The following ARHGAP15 variants were observed in gnomAD, a reference collection of about 807,000 sequenced individuals.
ARHGAP15 encodes Rho GTPase activating protein 15.
A neutral mutation model predicts 63.7 loss-of-function variants in ARHGAP15; 51 were observed. That is an observed-to-expected ratio of 0.80 (90% CI 0.64 to 1.01). The LOEUF (loss-of-function observed/expected upper bound fraction) is 1.01, where lower values mean the gene tolerates loss of function less well. ARHGAP15 is among the 50% of genes least tolerant of loss of function. The pLI is 0.00. For missense variants in ARHGAP15, 560 were observed against 564.6 expected (o/e 0.99, Z 0.08); for synonymous variants, 191 against 193.8 (o/e 0.99, Z 0.12).
intron 5 of ARHGAP15, among the ~76,000 whole-genome samples, chr2:143,244,516 A>AATGC (rs1693974215): frequency 6.6e-6 from 1 of 152,218 alleles, no homozygotes; most frequent in Admixed American, 6.5e-5. Context: ...GAAAAGAATG[A>AATGC]ATGCATACTC....
At chr2:143,143,758 TA>T (rs1258275351) in intron 1 of ARHGAP15, among the ~76,000 whole-genome samples, 2 of 151,984 alleles carry the variant, frequency 1.3e-5, no homozygotes, top group Non-Finnish European at 2.9e-5. Flanking sequence ...GGCATTCCCA[TA>T]CACTTTTTTT....
intron 6 of ARHGAP15, among the ~76,000 whole-genome samples, chr2:143,313,601 A>G (rs1683547906): frequency 6.6e-6 from 1 of 152,160 alleles, no homozygotes; most frequent in Non-Finnish European, 1.5e-5. Context: ...TGGTGGAACA[A>G]GAAGCAAAAA....
In ARHGAP15 at chr2:143,410,131, AAAT is replaced by A. The variant is rs1688383736; in HGVS notation, c.475-25467_475-25465del. Among the ~76,000 whole-genome samples the A allele has an allele frequency of 2.0e-5, 3 of 152,152 alleles. No homozygotes were observed. The South Asian group carries it at 6.2e-4, about 31-fold the overall frequency. ...TGAAGGGTACTATATAAATAAATAA[AAAT>A]AAAATCAAATTTTAATTAAATTTTA... On this transcript the variant is annotated intron_variant, in intron 6 of 13. Transcript: ENST00000295095.
intron 12 of ARHGAP15, among the ~76,000 whole-genome samples, chr2:143,655,277 C>A (rs1681378537): frequency 6.6e-6 from 1 of 151,998 alleles, no homozygotes; most frequent in Non-Finnish European, 1.5e-5. Flanking sequence ...CCACTCTTCC[C>A]CCCAAGTCCC....
At chr2:143,467,567 A>G (rs1254143388) in intron 8 of ARHGAP15, among the ~76,000 whole-genome samples, 2 of 151,860 alleles carry the variant, frequency 1.3e-5, no homozygotes. Context: ...ATACTAAAAT[A>G]AACCCAGGTA....
chr2:143,180,590 G>A (rs747006807), intron 2 of ARHGAP15, among the ~76,000 whole-genome samples: 5 of 152,210 alleles, frequency 3.3e-5, no homozygotes, highest in African/African-American at 9.6e-5. Flanking sequence ...ATCCTTTTTA[G>A]AAGGTTTTCA....
chr2:143,386,335 T>C (rs1475460394), intron 6 of ARHGAP15, among the ~76,000 whole-genome samples: 2 of 152,286 alleles, frequency 1.3e-5, no homozygotes, highest in East Asian at 1.9e-4. Context: ...AAATGAGCCA[T>C]ATATCAAAAA....
intron 8 of ARHGAP15, among the ~76,000 whole-genome samples, chr2:143,453,078 A>C (rs1455346043): frequency 8.0e-6 from 1 of 124,756 alleles, no homozygotes; most frequent in African/African-American, 3.5e-5. Flanking sequence ...AAGCACTTTA[A>C]TCTACTCTCA....
chr2:143,316,236 A>C (rs1683702002), intron 6 of ARHGAP15, among the ~76,000 whole-genome samples: 1 of 152,124 alleles, frequency 6.6e-6, no homozygotes, highest in Non-Finnish European at 1.5e-5. Context: ...AATCATCATC[A>C]AACCTTCCTG....
intron 3 of ARHGAP15, among the ~76,000 whole-genome samples, chr2:143,212,653 TTTATAGATCA>T (rs1228083471): frequency 6.6e-6 from 1 of 152,148 alleles, no homozygotes; most frequent in Non-Finnish European, 1.5e-5. Context: ...TCAACTGGAA[TTTATAGATCA>T]TTGTCCCTTC....
intron 12 of ARHGAP15, among the ~76,000 whole-genome samples, chr2:143,671,233 G>C (rs1035414679): frequency 1.3e-5 from 2 of 152,092 alleles, no homozygotes; most frequent in Non-Finnish European, 2.9e-5. Flanking sequence ...TGGTTCAAAA[G>C]TTAGGCTTTT....
intron 8 of ARHGAP15, among the ~76,000 whole-genome samples, chr2:143,486,026 A>G (rs189149366): frequency 6.6e-6 from 1 of 152,240 alleles, no homozygotes; most frequent in East Asian, 1.9e-4. Context: ...TTCAAGTTTG[A>G]GCCTGCTTTG....
intron 6 of ARHGAP15, among the ~76,000 whole-genome samples, chr2:143,405,473 G>A (rs1382034732): frequency 6.6e-6 from 1 of 151,500 alleles, no homozygotes; most frequent in South Asian, 2.1e-4. Flanking sequence ...TAAAAAATTT[G>A]TGCTCCCCTT....
intron 2 of ARHGAP15, among the ~76,000 whole-genome samples, chr2:143,178,289 G>A (rs1038128281): frequency 6.6e-6 from 1 of 152,134 alleles, no homozygotes; most frequent in African/African-American, 2.4e-5. Flanking sequence ...AAAAATTATA[G>A]TTATTTTTTC....
chr2:143,257,748 A>T (rs1680500622), intron 6 of ARHGAP15, among the ~76,000 whole-genome samples: 1 of 152,124 alleles, frequency 6.6e-6, no homozygotes, highest in Non-Finnish European at 1.5e-5. Flanking sequence ...ACTGAGCCAC[A>T]TGGAGATCAA....
intron 5 of ARHGAP15, among the ~76,000 whole-genome samples, chr2:143,240,746 A>G (rs1374420400): frequency 6.6e-6 from 1 of 152,198 alleles, no homozygotes; most frequent in Non-Finnish European, 1.5e-5. Flanking sequence ...TAGAGATGGA[A>G]ATACAGAGAA....
At chr2:143,586,105 G>T (rs961718776) in intron 11 of ARHGAP15, among the ~76,000 whole-genome samples, 1 of 152,050 alleles carries the variant, frequency 6.6e-6, no homozygotes, top group Admixed American at 6.6e-5. Context: ...GTAGCACTCA[G>T]TGTTGCTGTG....
intron 6 of ARHGAP15, among the ~76,000 whole-genome samples, chr2:143,278,447 C>T (rs1305006285): frequency 1.3e-5 from 2 of 152,106 alleles, no homozygotes; most frequent in African/African-American, 2.4e-5. Context: ...TGACATTTCC[C>T]CAACTTAAGG....
chr2:143,643,427 A>ACCCC (rs10540732), intron 12 of ARHGAP15, among the ~76,000 whole-genome samples: 41 of 128,396 alleles, frequency 3.2e-4, no homozygotes, highest in East Asian at 5.3e-4. Flanking sequence ...CCCTCCACCC[A>ACCCC]CCCCCCCCCA....
Sources: allele counts gnomAD v4.1 joint callset (sites outside exome capture counted in the v4.1 genomes callset), GRCh38; gene constraint gnomAD v4.1.1; transcripts MANE v1.5; gene names NCBI Gene and HGNC (gene_info 2026-07-23, HGNC 2026-07-21).